DIAPH2: variants seen among roughly 807,000 people sequenced by gnomAD.
DIAPH2 encodes the protein diaphanous related formin 2, also known as protein diaphanous homolog 2.
Under a neutral mutation model 92.7 loss-of-function variants are expected in DIAPH2, and 35 were observed. The ratio of observed to expected loss-of-function variants is 0.38; its 90% CI spans 0.29 to 0.50. The LOEUF (loss-of-function observed/expected upper bound fraction) is 0.50. Among genes scored for constraint, DIAPH2 ranks in the 20% least tolerant of loss-of-function variants. DIAPH2 has a pLI of 0.94. For missense variants in DIAPH2, 701 were observed against 819.5 expected, an observed-to-expected ratio of 0.86 and a Z score of 1.77; for synonymous variants, 301 against 280.4, an observed-to-expected ratio of 1.07 and a Z score of -0.73.
chrX:97,258,443 C>T (rs1172395370), intron 23 of DIAPH2, among the ~76,000 whole-genome samples: 3 of 110,397 alleles, frequency 2.7e-5, no homozygotes, highest in Admixed American at 9.6e-5. Context: ...GCGCGTGGCA[C>T]GCGCCTGTAG....
chrX:97,030,785 C>A (rs892722935), intron 17 of DIAPH2, among the ~76,000 whole-genome samples: 1 of 111,364 alleles, frequency 9.0e-6, no homozygotes, highest in Non-Finnish European at 1.9e-5. Context: ...TTACATTAAC[C>A]TCTGGATTTT....
At chrX:97,177,952 T>C (rs1484916963) in intron 22 of DIAPH2, among the ~76,000 whole-genome samples, 1 of 111,611 alleles carries the variant, frequency 9.0e-6, no homozygotes, top group African/African-American at 3.3e-5. Context: ...TTTGCCCCTG[T>C]AATCCCAGCA....
chrX:97,601,224 T>A lies in DIAPH2; in HGVS notation c.*1907T>A, dbSNP rs1199778633. The A allele has an allele frequency of 8.9e-6, 1 of 111,916 alleles. No homozygotes were observed. The highest frequency in any genetic ancestry group is 1.9e-5 in the Non-Finnish European group (1 of 53,106). 9.2% of individuals were successfully genotyped at this position (111,916 alleles called of 1,213,427 possible). A position where few individuals can be genotyped will look rare whatever the true frequency, so the allele number is the denominator to read the frequency against. Reference sequence around the variant, plus strand: ...ATTCTTTTGACAGCTTATCAGTCTGTAGGAGAATGATCTTGAAATGTTAAC... The same window carrying A: ...ATTCTTTTGACAGCTTATCAGTCTGAAGGAGAATGATCTTGAAATGTTAAC... On this transcript the variant is annotated 3_prime_UTR_variant, in exon 27 of 27. Coordinates refer to ENST00000324765, the MANE Select transcript of DIAPH2 (RefSeq NM_006729.5).
At chrX:96,841,841 G>T (rs910299502) in intron 4 of DIAPH2, among the ~76,000 whole-genome samples, 3 of 111,773 alleles carry the variant, frequency 2.7e-5, no homozygotes, top group Non-Finnish European at 3.8e-5. Flanking sequence ...GGCTGAATCC[G>T]AAAAGAGAGT....
chrX:97,060,414 AT>A lies in DIAPH2; in HGVS notation c.2051-12515del, dbSNP rs555107048. On this transcript the variant is annotated intron_variant, in intron 17 of 26. Coordinates refer to ENST00000324765, the MANE Select transcript of DIAPH2 (RefSeq NM_006729.5). ...AAACCTTCAATTTGTAGGATTTCTG[AT>A]TTTTTTTTTTTAACATAAGGCAGAT... Among the ~76,000 whole-genome samples, 958 of 104,875 alleles carry A rather than the reference AT, an allele frequency of 9.1e-3. 3 individuals carry two copies. The highest frequency in any genetic ancestry group is 0.015 in the Middle Eastern group (3 of 206). 91.1% of individuals were successfully genotyped at this position (104,875 alleles called of 115,157 possible).
intron 7 of DIAPH2, among the ~76,000 whole-genome samples, chrX:96,914,939 CA>C (rs769581877): frequency 1.8e-5 from 2 of 111,036 alleles, no homozygotes; most frequent in East Asian, 5.7e-4. Flanking sequence ...TTGTCCAGAT[CA>C]AGGAATTAAG....
chrX:97,186,085 T>G (rs1457499672), intron 22 of DIAPH2, among the ~76,000 whole-genome samples: 1 of 111,638 alleles, frequency 9.0e-6, no homozygotes, highest in Non-Finnish European at 1.9e-5. Context: ...TAAAAAAAAC[T>G]AATTGTAAGA....
chrX:96,828,298 A>G (rs761078609), intron 4 of DIAPH2, among the ~76,000 whole-genome samples: 2 of 111,382 alleles, frequency 1.8e-5, no homozygotes, highest in South Asian at 7.7e-4. Context: ...TCTTCTCTTA[A>G]TGGATCAGCT....
intron 17 of DIAPH2, among the ~76,000 whole-genome samples, chrX:97,008,990 G>C (rs781432336): frequency 9.0e-6 from 1 of 111,453 alleles, no homozygotes; most frequent in Non-Finnish European, 1.9e-5. Flanking sequence ...AAGCCAGCCA[G>C]GGTTGTCTTC....
intron 23 of DIAPH2, among the ~76,000 whole-genome samples, chrX:97,265,884 G>C (rs2068332224): frequency 9.0e-6 from 1 of 111,693 alleles, no homozygotes; most frequent in Non-Finnish European, 1.9e-5. Flanking sequence ...CTCTAAATGA[G>C]TTAGTCAGTG....
chrX:97,012,046 C>A (rs181462502), intron 17 of DIAPH2, among the ~76,000 whole-genome samples: 9 of 110,743 alleles, frequency 8.1e-5, no homozygotes, highest in African/African-American at 2.6e-4. Context: ...TTGGAAGGAA[C>A]CCTTCTTGCC....
At chrX:97,102,347 C>G (rs1332473037) in intron 20 of DIAPH2, among the ~76,000 whole-genome samples, 1 of 111,512 alleles carries the variant, frequency 9.0e-6, no homozygotes, top group African/African-American at 3.3e-5. Context: ...CCACGAACAT[C>G]CTAACCTGTT....
At chrX:96,689,277 G>A (rs1250484655) in intron 1 of DIAPH2, among the ~76,000 whole-genome samples, 1 of 101,023 alleles carries the variant, frequency 9.9e-6, no homozygotes, top group Non-Finnish European at 2.0e-5. Context: ...TGTATGCCAT[G>A]TTAGAGTTTC....
intron 25 of DIAPH2, among the ~76,000 whole-genome samples, chrX:97,429,017 A>G (rs1272324653): frequency 2.7e-5 from 3 of 112,051 alleles, no homozygotes; most frequent in African/African-American, 9.7e-5. Context: ...GTTTAGACAC[A>G]CAGCAGCATT....
At chrX:97,176,558 T>C (rs1381291436) in intron 22 of DIAPH2, among the ~76,000 whole-genome samples, 7 of 111,156 alleles carry the variant, frequency 6.3e-5, no homozygotes, top group African/African-American at 2.3e-4. Flanking sequence ...GACGGAGTCT[T>C]GCTTTGTCGC....
chrX:97,487,695 C>G (rs748783087), intron 26 of DIAPH2, among the ~76,000 whole-genome samples: 103 of 112,157 alleles, frequency 9.2e-4, no homozygotes, highest in Non-Finnish European at 1.8e-3. Flanking sequence ...TACATTCCCA[C>G]TAACAGTTGT....
rs761985480 is a variant in DIAPH2, at chrX:96,758,277, C to G, written c.447+19C>G. 1.7e-6 allele frequency: 2 copies of G among 1,162,809 alleles called. No individual in the cohort carries two copies. Among genetic ancestry groups the G allele is most frequent in the Admixed American group, 2.4e-5 (1 of 41,544 alleles). ...CAAATCTGTAAGTAGGGAGATTTTT[C>G]TAGCTCCAACAGAATGAGCAATGAG... is the stretch of plus-strand genomic sequence containing the variant. On this transcript the variant is annotated intron_variant, in intron 4 of 26. Transcript: ENST00000324765.
intron 23 of DIAPH2, among the ~76,000 whole-genome samples, chrX:97,308,350 C>T (rs981387027): frequency 7.2e-5 from 8 of 111,476 alleles, no homozygotes; most frequent in African/African-American, 2.6e-4. Flanking sequence ...CAGAAGTCTT[C>T]CCACACTGTG....
chrX:97,366,403 C>CG (rs2069381830), intron 24 of DIAPH2, among the ~76,000 whole-genome samples: 1 of 112,085 alleles, frequency 8.9e-6, no homozygotes, highest in Non-Finnish European at 1.9e-5. Flanking sequence ...CTCCATCACT[C>CG]TAAGTTGTGA....
Sources: gnomAD v4.1 joint callset for allele counts (sites outside exome capture counted in the v4.1 genomes callset) on GRCh38, gnomAD v4.1.1 for gene constraint, MANE v1.5 for transcripts, NCBI Gene and HGNC (gene_info 2026-07-23, HGNC 2026-07-21) for gene names.